The following CDH4 variants were observed in gnomAD, a reference collection of about 807,000 sequenced individuals.
CDH4 encodes the protein cadherin 4.
CDH4 carries 33 observed loss-of-function variants against 86.0 expected under a neutral mutation model. That is an observed-to-expected ratio of 0.38 (90% CI 0.29 to 0.51). The LOEUF (loss-of-function observed/expected upper bound fraction) is 0.51. CDH4 is among the 20% of genes least tolerant of loss of function. The pLI is 0.86. For missense variants in CDH4, 1,114 were observed against 1,307.4 expected, an observed-to-expected ratio of 0.85 and a Z score of 2.28; for synonymous variants, 555 against 549.4, an observed-to-expected ratio of 1.01 and a Z score of -0.14.
chr20:61,901,456 A>G (rs773326582), intron 8 of CDH4, among the ~76,000 whole-genome samples: 1 of 152,282 alleles, frequency 6.6e-6, no homozygotes, highest in Non-Finnish European at 1.5e-5. Flanking sequence ...AGAACAGAGA[A>G]CTACAGCTGG....
At chr20:61,297,542 C>T (rs574315682) in intron 2 of CDH4, among the ~76,000 whole-genome samples, 1 of 152,360 alleles carries the variant, frequency 6.6e-6, no homozygotes, top group East Asian at 1.9e-4. Flanking sequence ...GTCTTGGGGC[C>T]CCTGGGCGTG....
chr20:61,863,952 TG>T (rs1983437783), intron 6 of CDH4, among the ~76,000 whole-genome samples: 1 of 5,204 alleles, frequency 1.9e-4, no homozygotes, highest in African/African-American at 2.0e-4. Context: ...CTTGGGCGGG[TG>T]GACTGGAGCC....
chr20:61,918,407 C>G (rs888397769), intron 9 of CDH4, among the ~76,000 whole-genome samples: 4 of 152,190 alleles, frequency 2.6e-5, no homozygotes, highest in Non-Finnish European at 5.9e-5. Flanking sequence ...TGCCCACTCC[C>G]TATATCCCCC....
chr20:61,641,134 G>A (rs887668622), intron 2 of CDH4, among the ~76,000 whole-genome samples: 7 of 152,306 alleles, frequency 4.6e-5, no homozygotes, highest in East Asian at 1.9e-4. Context: ...ACAGGAAGGC[G>A]GCAGGATGGA....
intron 2 of CDH4, among the ~76,000 whole-genome samples, chr20:61,325,005 C>G (rs1285142414): frequency 6.6e-6 from 1 of 152,262 alleles, no homozygotes; most frequent in East Asian, 1.9e-4. Flanking sequence ...TGGCTCCTAC[C>G]CCTTGCAGCT....
intron 4 of CDH4, among the ~76,000 whole-genome samples, chr20:61,782,862 C>T (rs1442200334): frequency 6.6e-6 from 1 of 152,116 alleles, no homozygotes; most frequent in African/African-American, 2.4e-5. Context: ...GGTGGACGTA[C>T]CACTTGAGGC....
chr20:61,663,288 G>A lies in CDH4; in HGVS notation c.170-80275G>A, dbSNP rs2145835004. Among the ~76,000 whole-genome samples the A allele has an allele frequency of 6.6e-6, 1 of 152,356 alleles. No individual in the cohort carries two copies. Among genetic ancestry groups the A allele is most frequent in the African/African-American group, 2.4e-5 (1 of 41,574 alleles). Reference sequence around the variant, plus strand: ...GCCCACGACAAATGAGTCCACGCAGGAAAGGAGTGGCACCCGCAGGAGGCC... The same window carrying A: ...GCCCACGACAAATGAGTCCACGCAGAAAAGGAGTGGCACCCGCAGGAGGCC... On this transcript the variant is annotated intron_variant, in intron 2 of 15. Transcript: ENST00000614565. The surrounding 1 kb of genome is among the most constrained non-coding windows in gnomAD (Gnocchi z 5.0).
chr20:61,273,378 G>A (rs2084197658), intron 2 of CDH4, among the ~76,000 whole-genome samples: 1 of 132,572 alleles, frequency 7.5e-6, no homozygotes, highest in African/African-American at 2.9e-5. Context: ...GCAGTTTAGG[G>A]GAGTACCGTG....
intron 2 of CDH4, among the ~76,000 whole-genome samples, chr20:61,679,673 A>G (rs1035545031): frequency 1.3e-5 from 2 of 152,234 alleles, no homozygotes; most frequent in South Asian, 4.2e-4. Context: ...CCTCCCCATC[A>G]TCTTCCGCCA....
chr20:61,808,812 C>T (rs1338555400), intron 4 of CDH4, among the ~76,000 whole-genome samples: 1 of 149,720 alleles, frequency 6.7e-6, no homozygotes, highest in Non-Finnish European at 1.5e-5. Context: ...TGACTGGATT[C>T]CAAGAATACT....
intron 2 of CDH4, among the ~76,000 whole-genome samples, chr20:61,561,490 G>A (rs796796579): frequency 4.6e-5 from 7 of 152,260 alleles, no homozygotes; most frequent in East Asian, 1.9e-4. Context: ...AGTGGCCTGC[G>A]TGTGTCCAAT....
chr20:61,375,939 G>A (rs2084867797), intron 2 of CDH4, among the ~76,000 whole-genome samples: 1 of 14,514 alleles, frequency 6.9e-5, no homozygotes, highest in Non-Finnish European at 1.4e-4. Flanking sequence ...TGATGATGGT[G>A]GTGCTGGTGG....
In CDH4 at chr20:61,401,227, C is replaced by T. The variant is rs551767897; in HGVS notation, c.169+146290C>T. On this transcript the variant is annotated intron_variant, in intron 2 of 15. Transcript: ENST00000614565. ...TCCCATGCAACCTGTACTTTTCACT[C>T]CAAATTTCAAAAATGCAATTGTAAA... Among the ~76,000 whole-genome samples the T allele has an allele frequency of 3.9e-5, 6 of 152,286 alleles. No individual in the cohort carries two copies. The South Asian group carries it at 1.2e-3, about 32-fold the overall frequency.
At chr20:61,610,654 G>A (rs551098564) in intron 2 of CDH4, among the ~76,000 whole-genome samples, 19 of 152,214 alleles carry the variant, frequency 1.2e-4, no homozygotes, top group African/African-American at 3.4e-4. Context: ...CCTCCTTGCC[G>A]GCAGGATTTT....
At chr20:61,365,139 A>G (rs1440558750) in intron 2 of CDH4, among the ~76,000 whole-genome samples, 1 of 152,184 alleles carries the variant, frequency 6.6e-6, no homozygotes, top group Non-Finnish European at 1.5e-5. Flanking sequence ...GCCCAACTCT[A>G]CTGTGTGCTT....
chr20:61,389,394 A>G (rs2084968849), intron 2 of CDH4, among the ~76,000 whole-genome samples: 1 of 152,218 alleles, frequency 6.6e-6, no homozygotes, highest in Non-Finnish European at 1.5e-5. Context: ...GGTTACACAT[A>G]TCGCCCCCTT....
chr20:61,842,239 G>A lies in CDH4; in HGVS notation c.577-2429G>A, dbSNP rs528991218. Among the ~76,000 whole-genome samples the A allele has an allele frequency of 1.6e-4, 24 of 152,360 alleles. 1 individual carries two copies. Among genetic ancestry groups the A allele is most frequent in the Middle Eastern group, 6.8e-3 (2 of 294 alleles). ...TAAGTGCTATTCAGGCGCGATGAAGGAGGCTTGGAAGTCACTGCTGCTTCT... is the reference window on the plus strand; with the variant it reads ...TAAGTGCTATTCAGGCGCGATGAAGAAGGCTTGGAAGTCACTGCTGCTTCT... On this transcript the variant is annotated intron_variant, in intron 4 of 15. Transcript: ENST00000614565.
intron 2 of CDH4, among the ~76,000 whole-genome samples, chr20:61,280,304 A>AT (rs1357947981): frequency 6.6e-6 from 1 of 152,186 alleles, no homozygotes; most frequent in Non-Finnish European, 1.5e-5. Context: ...GAAAGAGAGG[A>AT]TGTGAACTGC....
intron 8 of CDH4, among the ~76,000 whole-genome samples, chr20:61,900,533 C>T (rs1010555362): frequency 3.9e-4 from 60 of 152,198 alleles, no homozygotes; most frequent in Admixed American, 1.2e-3. Flanking sequence ...TGGGTCCACC[C>T]TGGGGCAGGG....
Sources: allele counts gnomAD v4.1 joint callset (sites outside exome capture counted in the v4.1 genomes callset), GRCh38; gene constraint gnomAD v4.1.1; non-coding constraint Gnocchi (gnomAD v3.1); transcripts MANE v1.5; gene names NCBI Gene and HGNC (gene_info 2026-07-23, HGNC 2026-07-21).